ADCY9: variants seen among roughly 807,000 people sequenced by gnomAD.
The protein encoded by ADCY9 is adenylate cyclase type 9.
A neutral mutation model predicts 101.5 loss-of-function variants in ADCY9; 50 were observed. That is an observed-to-expected ratio of 0.49 (90% CI 0.39 to 0.62). The LOEUF (loss-of-function observed/expected upper bound fraction) is 0.62. Ranked by LOEUF, ADCY9 falls within the 20% of genes least tolerant of loss-of-function variation. The pLI is 0.00. For missense variants in ADCY9, 1,662 were observed against 1,800.4 expected, an observed-to-expected ratio of 0.92 and a Z score of 1.39; for synonymous variants, 905 against 769.3, an observed-to-expected ratio of 1.18 and a Z score of -2.92.
intron 2 of ADCY9, among the ~76,000 whole-genome samples, chr16:4,046,790 G>A (rs1319089873): frequency 6.6e-6 from 1 of 152,088 alleles, no homozygotes; most frequent in South Asian, 2.1e-4. Flanking sequence ...CCAGAAGTTC[G>A]AGACCAGCCT....
chr16:4,008,464 T>C (rs1360118299), intron 2 of ADCY9, among the ~76,000 whole-genome samples: 2 of 152,044 alleles, frequency 1.3e-5, no homozygotes, highest in Non-Finnish European at 2.9e-5. Context: ...AGATGGCAAA[T>C]GTATCGGAAG....
chr16:4,010,763 T>C (rs2056398953), intron 2 of ADCY9, among the ~76,000 whole-genome samples: 1 of 152,058 alleles, frequency 6.6e-6, no homozygotes, highest in Non-Finnish European at 1.5e-5. Flanking sequence ...CTCGAACGTG[T>C]CCCCTCCAAA....
intron 2 of ADCY9, among the ~76,000 whole-genome samples, chr16:4,018,038 A>G (rs115592035): frequency 0.011 from 1,699 of 152,310 alleles, 24 homozygotes; most frequent in African/African-American, 0.039. Flanking sequence ...CTTTTCATCC[A>G]GGAGGAGATT....
chr16:4,062,345 T>A (rs956650360), intron 2 of ADCY9, among the ~76,000 whole-genome samples: 1 of 152,166 alleles, frequency 6.6e-6, no homozygotes, highest in East Asian at 1.9e-4. Flanking sequence ...CAAAAAGATG[T>A]GAGACAGAGA....
At chr16:3,955,978 G>A (rs979783475) in intron 5 of ADCY9, among the ~76,000 whole-genome samples, 6 of 152,042 alleles carry the variant, frequency 3.9e-5, no homozygotes, top group East Asian at 1.9e-4. Context: ...TCCTCCCAAC[G>A]CAGCCTCCCA....
intron 6 of ADCY9, among the ~76,000 whole-genome samples, chr16:3,988,605 G>A (rs78490033): frequency 1.5e-5 from 2 of 136,698 alleles, no homozygotes; most frequent in African/African-American, 5.7e-5. Context: ...AGGTGGGGGG[G>A]GTTCCTTTAC....
chr16:4,077,534 T>C (rs948833898), intron 2 of ADCY9, among the ~76,000 whole-genome samples: 1 of 152,110 alleles, frequency 6.6e-6, no homozygotes, highest in Admixed American at 6.6e-5. Context: ...CACAGGTATA[T>C]GCACACACAC....
chr16:4,083,810 T>C (rs1396061438), intron 2 of ADCY9, among the ~76,000 whole-genome samples: 5 of 152,030 alleles, frequency 3.3e-5, no homozygotes, highest in African/African-American at 9.7e-5. Context: ...AACAGGCAAA[T>C]GCAAAGAGAC....
chr16:3,969,999 T>C (rs1398664146), intron 10 of ADCY9, among the ~76,000 whole-genome samples: 1 of 152,134 alleles, frequency 6.6e-6, no homozygotes, highest in Non-Finnish European at 1.5e-5. Flanking sequence ...CTATTAACAT[T>C]TGTTGAACTG....
rs1470922180 is a variant in ADCY9 at position 4,100,433 on chromosome 16, G to A, written c.1693+13317C>T. ...CAACCTCCACCTTCTAGGTTCCAGC[G>A]ATTCTCCTGCCTCAGCCTCCCAAGT... On this transcript the variant is annotated intron_variant, in intron 2 of 10. Coordinates refer to ENST00000294016, the MANE Select transcript of ADCY9 (RefSeq NM_001116.4). Among the ~76,000 whole-genome samples, 3 of 151,984 alleles carry A rather than the reference G, an allele frequency of 2.0e-5. No individual in the cohort carries two copies. In the South Asian group the frequency reaches 6.2e-4, roughly 32 times the overall value.
At chr16:4,032,993 G>A (rs2056566460) in intron 2 of ADCY9, 1 of 152,248 alleles carries the variant, frequency 6.6e-6, no homozygotes, top group African/African-American at 2.4e-5. Context: ...CCACCACGTG[G>A]CAACCCAATC....
chr16:4,010,257 C>T (rs984817272), intron 2 of ADCY9, among the ~76,000 whole-genome samples: 5 of 152,234 alleles, frequency 3.3e-5, no homozygotes, highest in Admixed American at 1.3e-4. Flanking sequence ...TGTGTGGCTC[C>T]GGGACTGCAA....
intron 10 of ADCY9, among the ~76,000 whole-genome samples, chr16:3,972,715 G>A (rs891384331): frequency 6.6e-6 from 1 of 152,142 alleles, no homozygotes; most frequent in African/African-American, 2.4e-5. Flanking sequence ...TGACACTTTG[G>A]TATATTTCAG....
chr16:3,961,450 A>G (rs1361007737), downstream of ADCY9, among the ~76,000 whole-genome samples: 8 of 147,768 alleles, frequency 5.4e-5, no homozygotes, highest in Non-Finnish European at 1.2e-4. Context: ...CCTGTCTCCA[A>G]AAAAAAAAAA....
intron 2 of ADCY9, among the ~76,000 whole-genome samples, chr16:4,008,914 T>G (rs1417995348): frequency 9.9e-5 from 15 of 152,114 alleles, no homozygotes; most frequent in Admixed American, 9.8e-4. Context: ...CATGGAAAGA[T>G]GCCATCGAGA....
rs1282437856 is a variant in ADCY9 at position 4,033,950 on chromosome 16, CA to C, written c.1694-26393del. On this transcript the variant is annotated intron_variant, in intron 2 of 10. Transcript: ENST00000294016. ...ATATTAGCACCGATGCTGGCCTGTT[CA>C]AAAATTCTATTATTATTTGCTCAAC... Among the ~76,000 whole-genome samples, 7 of 152,152 alleles carry C rather than the reference CA, an allele frequency of 4.6e-5. No individual in the cohort carries two copies. The South Asian group carries it at 1.2e-3, about 27-fold the overall frequency.
intron 2 of ADCY9, among the ~76,000 whole-genome samples, chr16:4,062,896 G>A (rs1464308023): frequency 6.6e-6 from 1 of 152,156 alleles, no homozygotes; most frequent in Non-Finnish European, 1.5e-5. Context: ...TCACAATAAT[G>A]TTTGGAGACT....
At chr16:4,020,610 C>A (rs1209769389) in intron 2 of ADCY9, among the ~76,000 whole-genome samples, 1 of 151,820 alleles carries the variant, frequency 6.6e-6, no homozygotes, top group African/African-American at 2.4e-5. Flanking sequence ...TCACTTGAGG[C>A]CAGGAGTTCG....
chr16:4,061,104 C>T (rs2056771145), intron 2 of ADCY9, among the ~76,000 whole-genome samples: 1 of 151,778 alleles, frequency 6.6e-6, no homozygotes, highest in Non-Finnish European at 1.5e-5. Flanking sequence ...TAGAGGGGCT[C>T]AACAACAGAG....
Sources: allele counts gnomAD v4.1 joint callset (sites outside exome capture counted in the v4.1 genomes callset), GRCh38; gene constraint gnomAD v4.1.1; transcripts MANE v1.5; gene names NCBI Gene and HGNC (gene_info 2026-07-23, HGNC 2026-07-21).